Variants in ATP2B2 observed in about 807,000 individuals in gnomAD.
The protein encoded by ATP2B2 is plasma membrane calcium-transporting ATPase 2.
ATP2B2 carries 15 observed loss-of-function variants against 120.0 expected under a neutral mutation model. The observed-to-expected ratio is 0.12, with a 90% confidence interval of 0.08 to 0.19. The LOEUF (loss-of-function observed/expected upper bound fraction) is 0.19, where lower values mean the gene tolerates loss of function less well. Among genes scored for constraint, ATP2B2 ranks in the 10% least tolerant of loss-of-function variants. The probability of loss-of-function intolerance (pLI) is 1.00; values close to 1 mark genes in which losing one functional copy is unlikely to be tolerated. For synonymous variants in ATP2B2, 694 were observed against 700.3 expected (o/e 0.99, Z 0.14); for missense variants, 1,045 against 1,719.8 (o/e 0.61, Z 6.94).
At chr3:10,603,746 C>T (rs192931398) in intron 2 of ATP2B2, among the ~76,000 whole-genome samples, 5 of 152,190 alleles carry the variant, frequency 3.3e-5, no homozygotes, top group African/African-American at 1.2e-4. Flanking sequence ...GAGGTGTTCA[C>T]AGATCTTCGT....
chr3:10,530,079 C>T (rs1340596158), intron 3 of ATP2B2, among the ~76,000 whole-genome samples: 1 of 152,196 alleles, frequency 6.6e-6, no homozygotes, highest in Non-Finnish European at 1.5e-5. Context: ...TGTGTCACGG[C>T]AGCCCTCACA....
intron 1 of ATP2B2, among the ~76,000 whole-genome samples, chr3:10,691,355 A>C (rs752355347): frequency 1.3e-5 from 2 of 152,228 alleles, no homozygotes; most frequent in African/African-American, 2.4e-5. Context: ...CACCACTTTA[A>C]GCCTCTTCCC....
Position 10,488,471 on chromosome 3 carries a change from C to A in ATP2B2, c.-320+16994G>T, listed in dbSNP as rs904547491. On this transcript the variant is annotated intron_variant, in intron 1 of 22. Transcript: ENST00000360273. ...CATCCACCACCCTACAAATTCCTTC[C>A]TTCCTTCCTTCCTTCCTTCCTTCCT... Among the ~76,000 whole-genome samples the A allele has an allele frequency of 3.0e-3, 235 of 78,688 alleles. 1 individual carries two copies. The highest frequency in any genetic ancestry group is 0.018 in the African/African-American group (216 of 12,238). 51.6% of individuals were successfully genotyped at this position (78,688 alleles called of 152,430 possible).
At chr3:10,356,646 G>T (rs2060739782) in intron 14 of ATP2B2, among the ~76,000 whole-genome samples, 1 of 152,206 alleles carries the variant, frequency 6.6e-6, no homozygotes. Context: ...CGGGAAGGGG[G>T]AGGCTGTGGG....
At chr3:10,383,914 T>A (rs2061599900) in intron 8 of ATP2B2, among the ~76,000 whole-genome samples, 1 of 152,186 alleles carries the variant, frequency 6.6e-6, no homozygotes, top group Admixed American at 6.5e-5. Flanking sequence ...GCAGGCTCAC[T>A]GCCGGGGTGA....
At chr3:10,666,690 A>T (rs562339895) in intron 1 of ATP2B2, among the ~76,000 whole-genome samples, 51 of 152,322 alleles carry the variant, frequency 3.3e-4, no homozygotes, top group African/African-American at 1.2e-3. Context: ...GAACAGGCCA[A>T]TGGATGAATG....
intron 2 of ATP2B2, among the ~76,000 whole-genome samples, chr3:10,597,734 T>C (rs2068806785): frequency 6.6e-6 from 1 of 152,160 alleles, no homozygotes; most frequent in Non-Finnish European, 1.5e-5. Flanking sequence ...AGTTTCCACA[T>C]TTGCTGAAAG....
At chr3:10,622,844 G>A (rs759639890) in intron 1 of ATP2B2, among the ~76,000 whole-genome samples, 16 of 152,252 alleles carry the variant, frequency 1.1e-4, no homozygotes, top group African/African-American at 1.7e-4. Context: ...TTCACAGGTC[G>A]GTCAGCAAAG....
chr3:10,636,560 G>C (rs567695015), intron 1 of ATP2B2, among the ~76,000 whole-genome samples: 3 of 152,192 alleles, frequency 2.0e-5, no homozygotes, highest in Non-Finnish European at 4.4e-5. Context: ...ACAGAGACCA[G>C]ATTTGCCCTC....
chr3:10,570,691 C>A (rs558434428), intron 2 of ATP2B2, among the ~76,000 whole-genome samples: 1 of 152,312 alleles, frequency 6.6e-6, no homozygotes, highest in African/African-American at 2.4e-5. Context: ...ACCCCTCTGG[C>A]GTGTTGAGCA....
chr3:10,391,162 C>T (rs371367008), intron 5 of ATP2B2, among the ~76,000 whole-genome samples: 7 of 152,288 alleles, frequency 4.6e-5, no homozygotes, highest in South Asian at 2.1e-4. Context: ...CTGCCCTCCA[C>T]GCTCAATGAT....
At chr3:10,638,196 A>G (rs1457803464) in intron 1 of ATP2B2, among the ~76,000 whole-genome samples, 1 of 152,224 alleles carries the variant, frequency 6.6e-6, no homozygotes, top group Non-Finnish European at 1.5e-5. Context: ...CTCATAAGAA[A>G]GGAAGAGTAT....
chr3:10,353,726 G>A (rs992253931), intron 14 of ATP2B2, among the ~76,000 whole-genome samples: 1 of 152,208 alleles, frequency 6.6e-6, no homozygotes, highest in Non-Finnish European at 1.5e-5. Flanking sequence ...GCCTCTCCAA[G>A]CAAGCTGGCT....
rs193302500 is a variant in ATP2B2 at position 10,335,394 on chromosome 3, G to A, written c.3420+2782C>T. Among the ~76,000 whole-genome samples the A allele has an allele frequency of 1.6e-3, 246 of 152,336 alleles. 2 individuals carry two copies. Among genetic ancestry groups the A allele is most frequent in the African/African-American group, 5.1e-3 (214 of 41,574 alleles). On this transcript the variant is annotated intron_variant, in intron 22 of 22. Coordinates refer to ENST00000360273, the MANE Select transcript of ATP2B2 (RefSeq NM_001001331.4). ...GCTGATGCAGTCAAAAGTGCAAGGG[G>A]AGGAGTGACAGGAAGCGGGCAGAGA...
rs182683329 is a variant in ATP2B2, at chr3:10,689,160, C to T, written c.-460+18755G>A. ...GATCTAGATAAGGAGCAAATCCTTG[C>T]GTTACCTGGTGCAGATCTCCATATA... is the stretch of plus-strand genomic sequence containing the variant. On this transcript the variant is annotated intron_variant, in intron 1 of 21. Transcript: ENST00000646379. Among the ~76,000 whole-genome samples the T allele has an allele frequency of 3.9e-5, 6 of 152,292 alleles. No individual in the cohort carries two copies. In the East Asian group the frequency reaches 7.7e-4, roughly 20 times the overall value.
At chr3:10,497,811 A>G (rs1384803614) in intron 1 of ATP2B2, among the ~76,000 whole-genome samples, 1 of 152,158 alleles carries the variant, frequency 6.6e-6, no homozygotes, top group Non-Finnish European at 1.5e-5. Context: ...AATACACACA[A>G]AAGTTTGCCG....
chr3:10,510,342 G>A (rs1476394717), upstream of ATP2B2, among the ~76,000 whole-genome samples: 3 of 152,242 alleles, frequency 2.0e-5, no homozygotes, highest in African/African-American at 7.2e-5. Context: ...CCATTTTACC[G>A]ATGAGGAAAC....
In ATP2B2 at chr3:10,339,518, T is replaced by G. The variant is rs143037164; in HGVS notation, c.3237+724A>C. On this transcript the variant is annotated intron_variant, in intron 21 of 22. Coordinates refer to ENST00000360273, the MANE Select transcript of ATP2B2 (RefSeq NM_001001331.4). ...CTGGGTCAGGAGCCTTTGGGCTGCA[T>G]GCTCTCAGAGCTGTGACAGGGTCTG... Among the ~76,000 whole-genome samples, 716 of 152,264 alleles carry G rather than the reference T, an allele frequency of 4.7e-3. 2 individuals carry two copies. The highest frequency in any genetic ancestry group is 0.027 in the Middle Eastern group (8 of 294).
At chr3:10,530,902 T>C (rs977032654) in intron 3 of ATP2B2, among the ~76,000 whole-genome samples, 5 of 152,242 alleles carry the variant, frequency 3.3e-5, no homozygotes, top group Non-Finnish European at 7.3e-5. Context: ...CATTTTTAGT[T>C]AGAAAGGGTT....
Sources: gnomAD v4.1 joint callset for allele counts (sites outside exome capture counted in the v4.1 genomes callset) on GRCh38, gnomAD v4.1.1 for gene constraint, MANE v1.5 for transcripts, NCBI Gene and HGNC (gene_info 2026-07-23, HGNC 2026-07-21) for gene names.